NLN: variants seen among roughly 807,000 people sequenced by gnomAD.
NLN encodes the protein neurolysin.
A neutral mutation model predicts 79.9 loss-of-function variants in NLN; 64 were observed. The ratio of observed to expected loss-of-function variants is 0.80; its 90% CI spans 0.65 to 0.99. The LOEUF is 0.99. Ranked by LOEUF, NLN falls within the 50% of genes least tolerant of loss-of-function variation. The probability of loss-of-function intolerance (pLI) is 0.00; values close to 1 mark genes in which losing one functional copy is unlikely to be tolerated. For missense variants in NLN, 835 were observed against 858.7 expected, an observed-to-expected ratio of 0.97 and a Z score of 0.34; for synonymous variants, 267 against 296.6, an observed-to-expected ratio of 0.90 and a Z score of 1.02.
intron 6 of NLN, among the ~76,000 whole-genome samples, chr5:65,784,091 G>GTAAC (rs1004083609): frequency 1.2e-4 from 18 of 152,092 alleles, no homozygotes; most frequent in Admixed American, 1.1e-3. Context: ...CCAAGATCAG[G>GTAAC]TAACTAGTAA....
At chr5:65,819,437 A>G (rs561851528) in intron 12 of NLN, among the ~76,000 whole-genome samples, 33 of 152,348 alleles carry the variant, frequency 2.2e-4, no homozygotes, top group African/African-American at 7.7e-4. Context: ...CACATAGCTA[A>G]GGATTGAGCC....
chr5:65,816,891 G>C (rs1027511034), intron 12 of NLN, among the ~76,000 whole-genome samples: 14 of 152,118 alleles, frequency 9.2e-5, no homozygotes, highest in African/African-American at 3.4e-4. Flanking sequence ...CAAAGCGTCA[G>C]TGCCTTCTAT....
At chr5:65,787,039 G>A (rs1269431275) in intron 7 of NLN, among the ~76,000 whole-genome samples, 3 of 152,098 alleles carry the variant, frequency 2.0e-5, no homozygotes, top group African/African-American at 7.2e-5. Flanking sequence ...AGTGGTGATT[G>A]CATACACTAA....
chr5:65,734,494 G>A (rs1203500954), intron 1 of NLN, among the ~76,000 whole-genome samples: 1 of 88,594 alleles, frequency 1.1e-5, no homozygotes, highest in Non-Finnish European at 2.6e-5. Flanking sequence ...AGTTACCCTC[G>A]CACGGATGGT....
intron 12 of NLN, among the ~76,000 whole-genome samples, chr5:65,815,603 C>A (rs1760652230): frequency 6.6e-6 from 1 of 152,136 alleles, no homozygotes; most frequent in South Asian, 2.1e-4. Context: ...ATGGCACTTC[C>A]TGATCCTCTG....
intron 12 of NLN, among the ~76,000 whole-genome samples, chr5:65,816,287 C>G (rs73103226): frequency 0.16 from 24,772 of 151,938 alleles, 2,464 homozygotes; most frequent in African/African-American, 0.29. Flanking sequence ...GAATCAAAAA[C>G]CAAATACCAC....
rs779332397 is a variant in NLN, at chr5:65,810,174, C to T, written c.1843+9C>T. 1.1e-5 allele frequency: 17 copies of T among 1,612,830 alleles called. No individual in the cohort carries two copies. Among genetic ancestry groups the T allele is most frequent in the Non-Finnish European group, 1.4e-5 (17 of 1,178,976 alleles). On this transcript the variant is annotated intron_variant, in intron 11 of 12. Transcript: ENST00000380985. The stretch of plus-strand genomic sequence containing the variant: ...AGTTGCAGCTACTCCAGGTATGTAA[C>T]TACTATGAATTGAGTTCATTTCTCT...
chr5:65,811,322 C>T (rs1427615043), intron 11 of NLN, among the ~76,000 whole-genome samples: 1 of 152,038 alleles, frequency 6.6e-6, no homozygotes, highest in Non-Finnish European at 1.5e-5. Context: ...GTCGCAATTA[C>T]ATTTTTAAAT....
intron 1 of NLN, among the ~76,000 whole-genome samples, chr5:65,746,598 G>A (rs1415748639): frequency 1.3e-5 from 2 of 152,314 alleles, no homozygotes; most frequent in East Asian, 3.9e-4. Flanking sequence ...AGAAATAGTG[G>A]TGTCTAGTGG....
Position 65,790,916 on chromosome 5 carries a change from C to A in NLN, c.1326-1538C>A, listed in dbSNP as rs529111152. Among the ~76,000 whole-genome samples, 3 of 152,330 alleles carry A rather than the reference C, an allele frequency of 2.0e-5. No individual in the cohort carries two copies. In the South Asian group the frequency reaches 6.2e-4, roughly 32 times the overall value. On this transcript the variant is annotated intron_variant, in intron 8 of 12. Coordinates refer to ENST00000380985, the MANE Select transcript of NLN (RefSeq NM_020726.5). ...CTTGCTACCTCATTCTGCTGTCTCA[C>A]TGCCAGGATATAATTAATTTCTTTT...
chr5:65,779,422 T>G (rs953544196), intron 4 of NLN, among the ~76,000 whole-genome samples: 1 of 152,164 alleles, frequency 6.6e-6, no homozygotes. Context: ...CTAATACTTT[T>G]TATGCAAATC....
intron 9 of NLN, among the ~76,000 whole-genome samples, chr5:65,799,197 A>C (rs1233077439): frequency 6.6e-6 from 1 of 152,232 alleles, no homozygotes; most frequent in African/African-American, 2.4e-5. Flanking sequence ...AGTTATTTTA[A>C]GAAACAGAAT....
At chr5:65,747,879 A>G (rs1216606661) in intron 1 of NLN, among the ~76,000 whole-genome samples, 1 of 152,198 alleles carries the variant, frequency 6.6e-6, no homozygotes, top group Non-Finnish European at 1.5e-5. Flanking sequence ...GAGTGCAGAC[A>G]CAGGAGGGCC....
chr5:65,766,423 T>C (rs192075238), intron 3 of NLN, among the ~76,000 whole-genome samples: 124 of 152,140 alleles, frequency 8.2e-4, no homozygotes, highest in Non-Finnish European at 1.3e-3. Context: ...AATCAGATCT[T>C]GTAAGAACTC....
rs976978650 is a variant in NLN, at chr5:65,743,381, C to T, written c.42-15186C>T. On this transcript the variant is annotated intron_variant, in intron 1 of 12. Coordinates refer to ENST00000380985, the MANE Select transcript of NLN (RefSeq NM_020726.5). ...AGATTATATAGAACAAATAGTTAAC[C>T]GACATATAGATCCTGATGCATTGCA... Among the ~76,000 whole-genome samples the T allele has an allele frequency of 3.9e-5, 6 of 152,126 alleles. No homozygotes were observed. The East Asian group carries it at 5.8e-4, about 15-fold the overall frequency.
chr5:65,821,697 T>C (rs768927845), intron 12 of NLN, among the ~76,000 whole-genome samples: 13 of 152,206 alleles, frequency 8.5e-5, no homozygotes, highest in Non-Finnish European at 1.6e-4. Context: ...GAGTCCAGAC[T>C]GTGAAGTTAC....
At chr5:65,773,127 A>T (rs867359131) in intron 3 of NLN, among the ~76,000 whole-genome samples, 295 of 96,372 alleles carry the variant, frequency 3.1e-3, no homozygotes, top group Admixed American at 4.3e-3. Flanking sequence ...CCTGAATTCT[A>T]TTTTTTTTTT....
intron 3 of NLN, among the ~76,000 whole-genome samples, chr5:65,775,563 A>G (rs1759662527): frequency 6.6e-6 from 1 of 152,204 alleles, no homozygotes; most frequent in Non-Finnish European, 1.5e-5. Flanking sequence ...AGCTTGCAGT[A>G]TCACACTGTC....
chr5:65,775,892 T>G (rs1008313972), intron 3 of NLN, among the ~76,000 whole-genome samples: 2 of 152,244 alleles, frequency 1.3e-5, no homozygotes, highest in African/African-American at 2.4e-5. Context: ...CTAACTATTT[T>G]CTGCCTCCAC....
Sources: gnomAD v4.1 joint callset for allele counts (sites outside exome capture counted in the v4.1 genomes callset) on GRCh38, gnomAD v4.1.1 for gene constraint, MANE v1.5 for transcripts, NCBI Gene and HGNC (gene_info 2026-07-23, HGNC 2026-07-21) for gene names.